BMPR1A: variants seen among roughly 807,000 people sequenced by gnomAD.
BMPR1A encodes the protein bone morphogenetic protein receptor type 1A, also known as bone morphogenetic protein receptor type-1A.
A neutral mutation model predicts 66.0 loss-of-function variants in BMPR1A; 7 were observed. The observed-to-expected ratio is 0.11, with a 90% CI of 0.06 to 0.20. BMPR1A has a LOEUF of 0.20. BMPR1A is among the 10% of genes least tolerant of loss of function. The probability of loss-of-function intolerance (pLI) is 1.00; values close to 1 mark genes in which losing one functional copy is unlikely to be tolerated. For synonymous variants in BMPR1A, 200 were observed against 229.7 expected, an observed-to-expected ratio of 0.87 and a Z score of 1.17; for missense variants, 408 against 669.1, an observed-to-expected ratio of 0.61 and a Z score of 4.31.
intron 7 of BMPR1A, among the ~76,000 whole-genome samples, chr10:86,906,750 A>C (rs1466642042): frequency 1.4e-4 from 5 of 34,800 alleles, no homozygotes; most frequent in Non-Finnish European, 2.1e-4. Flanking sequence ...AAAAAAAAAA[A>C]AAAAAAAAAA....
At chr10:86,826,833 T>G (rs192055819) in intron 1 of BMPR1A, among the ~76,000 whole-genome samples, 5 of 152,202 alleles carry the variant, frequency 3.3e-5, no homozygotes, top group Non-Finnish European at 2.9e-5. Context: ...ATTCCAAAAT[T>G]ATAGAAAGTG....
chr10:86,772,978 A>G lies in BMPR1A; in HGVS notation c.-268+16059A>G, dbSNP rs554083684. On this transcript the variant is annotated intron_variant, in intron 1 of 12. Coordinates refer to ENST00000372037, the MANE Select transcript of BMPR1A (RefSeq NM_004329.3). ...AAAAATTCTACAATGTTTCTACTGTAATTTAAGAATTTGTGCAAATAAGTT... is the reference window on the plus strand; with the variant it reads ...AAAAATTCTACAATGTTTCTACTGTGATTTAAGAATTTGTGCAAATAAGTT... Among the ~76,000 whole-genome samples, 237 of 152,248 alleles carry G rather than the reference A, an allele frequency of 1.6e-3. 1 individual carries two copies. The highest frequency in any genetic ancestry group is 5.2e-3 in the African/African-American group (215 of 41,560).
At chr10:86,893,854 AGCTAATGTTT>A (rs1843191098) in intron 5 of BMPR1A, among the ~76,000 whole-genome samples, 1 of 152,116 alleles carries the variant, frequency 6.6e-6, no homozygotes, top group Non-Finnish European at 1.5e-5. Flanking sequence ...TCAACCTCTC[AGCTAATGTTT>A]GGAATCACCC....
At chr10:86,863,694 AG>A (rs897663460) in intron 2 of BMPR1A, among the ~76,000 whole-genome samples, 1 of 152,116 alleles carries the variant, frequency 6.6e-6, no homozygotes, top group African/African-American at 2.4e-5. Context: ...AGTCTGAGAG[AG>A]TGACTTTGTC....
intron 1 of BMPR1A, among the ~76,000 whole-genome samples, chr10:86,772,760 G>A (rs1008335305): frequency 2.0e-4 from 31 of 152,036 alleles, no homozygotes; most frequent in African/African-American, 6.5e-4. Context: ...GCATGTAGAC[G>A]TCTAAAAATC....
chr10:86,875,775 G>T, intron 2 of BMPR1A, 92 bp from the exon 3 acceptor site: 1 of 564,486 alleles, frequency 1.8e-6, no homozygotes, highest in African/African-American at 1.9e-5. Flanking sequence ...ATTGTTTAAA[G>T]GTGTGTTTGG....
rs1842881944 is a variant in BMPR1A at position 86,873,731 on chromosome 10, T to C, written c.-152-2136T>C. On this transcript the variant is annotated intron_variant, in intron 2 of 12. Coordinates refer to ENST00000372037, the MANE Select transcript of BMPR1A (RefSeq NM_004329.3). The stretch of plus-strand genomic sequence containing the variant: ...TCTTGAATTGGAAACCTGGAACATA[T>C]ATCCTTAGAATGACAGTTGAATTAT... Among the ~76,000 whole-genome samples, 7 of 152,352 alleles carry C rather than the reference T, an allele frequency of 4.6e-5. No individual in the cohort carries two copies. The South Asian group carries it at 1.0e-3, about 23-fold the overall frequency.
At chr10:86,870,339 G>T (rs1302295377) in intron 2 of BMPR1A, among the ~76,000 whole-genome samples, 3 of 152,148 alleles carry the variant, frequency 2.0e-5, no homozygotes, top group African/African-American at 7.2e-5. Context: ...TTCAATAACT[G>T]TTCATGCCAC....
chr10:86,848,961 G>A (rs180796087), intron 2 of BMPR1A, among the ~76,000 whole-genome samples: 2 of 152,202 alleles, frequency 1.3e-5, no homozygotes, highest in East Asian at 3.9e-4. Context: ...GTTACTTCTT[G>A]TGTGAACTAC....
At chr10:86,914,410 A>T (rs1843533632) in intron 8 of BMPR1A, among the ~76,000 whole-genome samples, 1 of 152,232 alleles carries the variant, frequency 6.6e-6, no homozygotes, top group Non-Finnish European at 1.5e-5. Flanking sequence ...CTTTATCAAA[A>T]TTTAAAACTT....
chr10:86,802,032 T>A (rs1168015839), intron 1 of BMPR1A, among the ~76,000 whole-genome samples: 1 of 152,080 alleles, frequency 6.6e-6, no homozygotes, highest in Admixed American at 6.6e-5. Flanking sequence ...ATTCTTATTC[T>A]CTTGTCCACC....
chr10:86,781,477 T>G (rs570255879), intron 1 of BMPR1A, among the ~76,000 whole-genome samples: 1 of 152,326 alleles, frequency 6.6e-6, no homozygotes, highest in Non-Finnish European at 1.5e-5. Context: ...TACCTCCAAC[T>G]TTTTGCTCAG....
At chr10:86,891,004 A>G (rs967709582) in intron 4 of BMPR1A, among the ~76,000 whole-genome samples, 9 of 152,224 alleles carry the variant, frequency 5.9e-5, no homozygotes, top group Non-Finnish European at 1.2e-4. Context: ...CAGTCAATTA[A>G]TTGTCTCCTT....
At chr10:86,801,284 C>T (rs996980058) in intron 1 of BMPR1A, among the ~76,000 whole-genome samples, 5 of 151,984 alleles carry the variant, frequency 3.3e-5, no homozygotes, top group African/African-American at 4.8e-5. Flanking sequence ...TGGTGGCGTG[C>T]GCCACCATGC....
rs1841149228 is a variant in BMPR1A at position 86,765,541 on chromosome 10, T to G, written c.-268+8622T>G. Reference sequence around the variant, plus strand: ...CTCTCTCCTATGAAGCCCTCCTCAGTGGTCCAAGCCTCATAGTTGGCTCTT... The same window carrying G: ...CTCTCTCCTATGAAGCCCTCCTCAGGGGTCCAAGCCTCATAGTTGGCTCTT... On this transcript the variant is annotated intron_variant, in intron 1 of 12. Coordinates refer to ENST00000372037, the MANE Select transcript of BMPR1A (RefSeq NM_004329.3). Among the ~76,000 whole-genome samples the G allele has an allele frequency of 3.3e-5, 5 of 150,602 alleles. No individual in the cohort carries two copies. The South Asian group carries it at 8.5e-4, about 25-fold the overall frequency.
In BMPR1A at chr10:86,926,085, G is replaced by A. The variant is rs1488857001; in HGVS notation, c.*2366G>A. The A allele has an allele frequency of 5.8e-6, 1 of 172,892 alleles. No homozygotes were observed. Among genetic ancestry groups the A allele is most frequent in the Non-Finnish European group, 1.3e-5 (1 of 79,994 alleles). The allele number at this position is 172,892 out of a possible 1,614,324, so 10.7% of individuals were successfully genotyped here. On this transcript the variant is annotated 3_prime_UTR_variant, in exon 13 of 13. Transcript: ENST00000372037. ...AAGCAAAAAATTACAGCCAGTATAT[G>A]AGACCACTATTATGGTTTTTTAAAA... is the stretch of plus-strand genomic sequence containing the variant.
intron 1 of BMPR1A, among the ~76,000 whole-genome samples, chr10:86,793,145 C>CA (rs1219502561): frequency 7.2e-6 from 1 of 138,714 alleles, no homozygotes; most frequent in Non-Finnish European, 1.5e-5. Context: ...GTGGACAAGG[C>CA]AAAAAAGAAA....
intron 2 of BMPR1A, among the ~76,000 whole-genome samples, chr10:86,840,992 C>T (rs1480538856): frequency 6.6e-6 from 1 of 152,198 alleles, no homozygotes; most frequent in Non-Finnish European, 1.5e-5. Context: ...TTACATGTTG[C>T]TGCCAGCTTA....
At chr10:86,766,770 T>C (rs1219656214) in intron 1 of BMPR1A, among the ~76,000 whole-genome samples, 1 of 151,710 alleles carries the variant, frequency 6.6e-6, no homozygotes, top group African/African-American at 2.4e-5. Flanking sequence ...CACACCTGGC[T>C]AATTTTTTTT....
Sources: gnomAD v4.1 joint callset for allele counts (sites outside exome capture counted in the v4.1 genomes callset) on GRCh38, gnomAD v4.1.1 for gene constraint, MANE v1.5 for transcripts, NCBI Gene and HGNC (gene_info 2026-07-23, HGNC 2026-07-21) for gene names.